CLN6: variants seen among roughly 807,000 people sequenced by gnomAD.
CLN6 encodes the protein ceroid-lipofuscinosis neuronal protein 6.
Under a neutral mutation model 33.3 loss-of-function variants are expected in CLN6, and 22 were observed. The observed-to-expected ratio is 0.66, with a 90% CI of 0.47 to 0.94. The LOEUF (loss-of-function observed/expected upper bound fraction) is 0.94, where lower values mean the gene tolerates loss of function less well. Ranked by LOEUF, CLN6 falls within the 40% of genes least tolerant of loss-of-function variation. CLN6 has a pLI of 0.00. For synonymous variants in CLN6, 201 were observed against 174.6 expected (o/e 1.15, Z -1.19); for missense variants, 387 against 417.1 (o/e 0.93, Z 0.63).
chr15:68,222,392 C>T (rs184533775), intron 1 of CLN6, among the ~76,000 whole-genome samples: 3,157 of 132,656 alleles, frequency 0.024, 142 homozygotes, highest in African/African-American at 0.085. Flanking sequence ...AGGTGAGGAG[C>T]GTCTCTGCCC....
At chr15:68,239,501 A>G (rs1245302467) in intron 1 of CLN6, among the ~76,000 whole-genome samples, 1 of 152,168 alleles carries the variant, frequency 6.6e-6, no homozygotes, top group African/African-American at 2.4e-5. Flanking sequence ...GACAAAATAG[A>G]CTATAAGAGA....
rs1174126822 is a variant in CLN6 at position 68,208,720 on chromosome 15, G to A, written c.666-310C>T. On this transcript the variant is annotated intron_variant, in intron 6 of 6. Transcript: ENST00000249806. This position sits in a 1 kb window ranked among gnomAD's most constrained non-coding sequence, Gnocchi z 5.8. ...TCCACACAACAAAAACTGACTAGAG[G>A]AGAAAGCAACAAACAATTGCCATTA... Among the ~76,000 whole-genome samples the A allele has an allele frequency of 6.6e-6, 1 of 152,250 alleles. No individual in the cohort carries two copies. Among genetic ancestry groups the A allele is most frequent in the East Asian group, 1.9e-4 (1 of 5,204 alleles).
chr15:68,230,527 C>T (rs1456353983), upstream of CLN6, among the ~76,000 whole-genome samples: 2 of 152,186 alleles, frequency 1.3e-5, no homozygotes, highest in East Asian at 3.8e-4. This position sits in a 1 kb window ranked among gnomAD's most constrained non-coding sequence, Gnocchi z 4.0. Flanking sequence ...AACCTGAGAA[C>T]AGCCTGCAGG....
In CLN6 at chr15:68,242,692, A is replaced by G. The variant is rs1196575135; in HGVS notation, c.179+13998T>C. ...TTTTAAAGATTATTGGTAAAATAAA[A>G]TGTCTTGAAAGTGTAGACATTTGGT... On this transcript the variant is annotated intron_variant, in intron 1 of 6. Coordinates refer to the CLN6 transcript ENST00000538696. This position sits in a 1 kb window ranked among gnomAD's most constrained non-coding sequence, Gnocchi z 5.0. 6.6e-6 allele frequency among the ~76,000 whole-genome samples: 1 copy of G among 152,238 alleles called. No individual in the cohort carries two copies. Among genetic ancestry groups the G allele is most frequent in the African/African-American group, 2.4e-5 (1 of 41,464 alleles).
In CLN6 at chr15:68,256,911, C is replaced by G; in HGVS notation, c.-43G>C. 1 of 643,992 alleles carries G rather than the reference C, an allele frequency of 1.6e-6. No individual in the cohort carries two copies. Among genetic ancestry groups the G allele is most frequent in the South Asian group, 1.6e-5 (1 of 60,930 alleles). The allele number at this position is 643,992 out of a possible 1,614,324, so 39.9% of individuals were successfully genotyped here. ...TCCTGGGCGCGGCTCTGGGGAGGGT[C>G]AGGGTGCGCGTCCCACCGCGTCGTG... is the stretch of plus-strand genomic sequence containing the variant. On this transcript the variant is annotated 5_prime_UTR_variant, in exon 1 of 7. Coordinates refer to the CLN6 transcript ENST00000538696. This position sits in a 1 kb window ranked among gnomAD's most constrained non-coding sequence, Gnocchi z 4.1.
intron 1 of CLN6, among the ~76,000 whole-genome samples, chr15:68,248,742 A>G (rs937970325): frequency 7.9e-5 from 12 of 152,216 alleles, no homozygotes; most frequent in Admixed American, 7.9e-4. Flanking sequence ...TGGTCAGGGC[A>G]AAGATTTTTT....
At chr15:68,248,302 T>G (rs1892345992) in intron 1 of CLN6, 1 of 152,122 alleles carries the variant, frequency 6.6e-6, no homozygotes, top group Non-Finnish European at 1.5e-5. Flanking sequence ...TGAACTATAC[T>G]GCTATCTCTC....
chr15:68,211,944 G>A lies in CLN6; in HGVS notation c.298-81C>T. 2.1e-6 allele frequency: 3 copies of A among 1,424,538 alleles called. No individual in the cohort carries two copies. Among genetic ancestry groups the A allele is most frequent in the Non-Finnish European group, 2.9e-6 (3 of 1,026,958 alleles). 88.2% of individuals were successfully genotyped at this position (1,424,538 alleles called of 1,614,324 possible). A position where few individuals can be genotyped will look rare whatever the true frequency, so the allele number is the denominator to read the frequency against. On this transcript the variant is annotated intron_variant, in intron 3 of 6. Coordinates refer to ENST00000249806, the MANE Select transcript of CLN6 (RefSeq NM_017882.3). The surrounding 1 kb of genome is among the most constrained non-coding windows in gnomAD (Gnocchi z 5.9). Reference sequence around the variant, plus strand: ...ACCCTCTGCTTCCCCCCTCACACCTGGGGTGGGATGGACGCTTCCAGCTGG... The same window carrying A: ...ACCCTCTGCTTCCCCCCTCACACCTAGGGTGGGATGGACGCTTCCAGCTGG...
upstream of CLN6, among the ~76,000 whole-genome samples, chr15:68,230,345 A>G (rs899997584): frequency 2.0e-5 from 3 of 152,172 alleles, no homozygotes; most frequent in Non-Finnish European, 4.4e-5. The surrounding 1 kb of genome is among the most constrained non-coding windows in gnomAD (Gnocchi z 4.0). Context: ...ATAAAGATTC[A>G]TCTTTGAACG....
rs150528709 is a variant in CLN6, at chr15:68,220,999, TTTA to T, written c.84-2352_84-2350del. ...TGCCACTATGCCCAGCTAATTTTATTTTATTATTATTATTATTATTATTATTAT... is the reference window on the plus strand; with the variant it reads ...TGCCACTATGCCCAGCTAATTTTATTTTATTATTATTATTATTATTATTAT... On this transcript the variant is annotated intron_variant, in intron 1 of 6. Transcript: ENST00000249806. The surrounding 1 kb of genome is among the most constrained non-coding windows in gnomAD (Gnocchi z 4.2). 0.93 allele frequency among the ~76,000 whole-genome samples: 135,240 copies of T among 146,120 alleles called. 62,520 individuals are homozygous for T. The highest frequency in any genetic ancestry group is 0.99 in the Middle Eastern group (277 of 280).
rs892058916 is a variant in CLN6, at chr15:68,220,432, A to G, written c.84-1782T>C. On this transcript the variant is annotated intron_variant, in intron 1 of 6. Transcript: ENST00000249806. The surrounding 1 kb of genome is among the most constrained non-coding windows in gnomAD (Gnocchi z 4.2). ...CCACTGCTTCTTCTGGTAAGACATG[A>G]TATTTTCTTAGCCACAGGAAGGGCC... Among the ~76,000 whole-genome samples, 2 of 152,180 alleles carry G rather than the reference A, an allele frequency of 1.3e-5. No individual in the cohort carries two copies. The highest frequency in any genetic ancestry group is 1.3e-4 in the Admixed American group (2 of 15,286).
At position 68,211,601 on chromosome 15, in the gene CLN6, G is replaced by A. The variant is rs766014138; in HGVS notation, c.486+74C>T. 6.2e-6 allele frequency: 10 copies of A among 1,605,058 alleles called. No homozygotes were observed. The Middle Eastern group carries it at 4.9e-4, about 79-fold the overall frequency. Reference sequence around the variant, plus strand: ...AAAGGACAGGTGCGGCGAGGGGTGGGGGCCATTTCTTCAGCCTCCCAGGAC... The same window carrying A: ...AAAGGACAGGTGCGGCGAGGGGTGGAGGCCATTTCTTCAGCCTCCCAGGAC... On this transcript the variant is annotated intron_variant, in intron 4 of 6. Transcript: ENST00000249806. The surrounding 1 kb of genome is among the most constrained non-coding windows in gnomAD (Gnocchi z 5.9).
At position 68,228,994 on chromosome 15, in the gene CLN6, A is replaced by T. The variant is rs1270697820; in HGVS notation, c.83+508T>A. Reference sequence around the variant, plus strand: ...CCTTCCCCGCTGTCTCTTCCATTACATTCGCACATTCTTGGGTGCCCCAGG... The same window carrying T: ...CCTTCCCCGCTGTCTCTTCCATTACTTTCGCACATTCTTGGGTGCCCCAGG... On this transcript the variant is annotated intron_variant, in intron 1 of 6. Transcript: ENST00000249806. This position sits in a 1 kb window ranked among gnomAD's most constrained non-coding sequence, Gnocchi z 4.4. Among the ~76,000 whole-genome samples, 5 of 152,088 alleles carry T rather than the reference A, an allele frequency of 3.3e-5. No individual in the cohort carries two copies. The highest frequency in any genetic ancestry group is 9.7e-5 in the African/African-American group (4 of 41,414).
chr15:68,240,814 T>C (rs1337487649), intron 1 of CLN6, among the ~76,000 whole-genome samples: 1 of 151,428 alleles, frequency 6.6e-6, no homozygotes, highest in Non-Finnish European at 1.5e-5. Flanking sequence ...TGAAACCCTG[T>C]CTCTACTAAA....
At chr15:68,251,694 A>ACAAG (rs1892380698) in intron 1 of CLN6, among the ~76,000 whole-genome samples, 1 of 151,284 alleles carries the variant, frequency 6.6e-6, no homozygotes, top group Non-Finnish European at 1.5e-5. Flanking sequence ...AAACAAACAA[A>ACAAG]CAGAATAAGG....
chr15:68,243,754 CA>C (rs56110025), intron 1 of CLN6, among the ~76,000 whole-genome samples: 1,396 of 86,858 alleles, frequency 0.016, 12 homozygotes, highest in African/African-American at 0.039. Flanking sequence ...GACTCTATCT[CA>C]AAAAAAAAAA....
At chr15:68,252,060 G>A (rs963191999) in intron 1 of CLN6, among the ~76,000 whole-genome samples, 5 of 137,952 alleles carry the variant, frequency 3.6e-5, no homozygotes, top group East Asian at 4.7e-4. Context: ...CGCAACCTCC[G>A]CCTTCCGGGT....
At chr15:68,223,648 C>T (rs1343132042) in intron 1 of CLN6, among the ~76,000 whole-genome samples, 2 of 151,990 alleles carry the variant, frequency 1.3e-5, no homozygotes, top group Non-Finnish European at 2.9e-5. Context: ...ACCCAGCATA[C>T]ACTAGAGGCT....
chr15:68,224,945 C>A (rs2093247850), intron 1 of CLN6, among the ~76,000 whole-genome samples: 4 of 151,930 alleles, frequency 2.6e-5, no homozygotes, highest in Non-Finnish European at 4.4e-5. Flanking sequence ...ACAATGACAC[C>A]ACGACAGTTG....
Sources: gnomAD v4.1 joint callset for allele counts (sites outside exome capture counted in the v4.1 genomes callset) on GRCh38, gnomAD v4.1.1 for gene constraint, Gnocchi (gnomAD v3.1) non-coding constraint, MANE v1.5 for transcripts, NCBI Gene and HGNC (gene_info 2026-07-23, HGNC 2026-07-21) for gene names.